The following HR variants were observed in gnomAD, a reference collection of about 807,000 sequenced individuals.
HR encodes HR lysine demethylase and nuclear receptor corepressor.
Under a neutral mutation model 128.6 loss-of-function variants are expected in HR, and 83 were observed. The observed-to-expected ratio is 0.65, with a 90% CI of 0.54 to 0.77. The LOEUF (loss-of-function observed/expected upper bound fraction) is 0.77, where lower values mean the gene tolerates loss of function less well. Among genes scored for constraint, HR ranks in the 30% least tolerant of loss-of-function variants. The pLI is 0.00. For missense variants in HR, 1,490 were observed against 1,574.6 expected, an observed-to-expected ratio of 0.95 and a Z score of 0.91; for synonymous variants, 681 against 658.2, an observed-to-expected ratio of 1.03 and a Z score of -0.53.
chr8:22,125,796 A>T (rs1586382740), intron 3 of HR, 64 bp from the exon 4 acceptor site: 22 of 1,569,434 alleles, frequency 1.4e-5, no homozygotes, highest in Admixed American at 1.8e-5. Context: ...CCCATTCCTC[A>T]CCTTAGCGCC....
At chr8:22,126,750 C>A (rs1826901540) in intron 3 of HR, among the ~76,000 whole-genome samples, 1 of 152,252 alleles carries the variant, frequency 6.6e-6, no homozygotes, top group Admixed American at 6.5e-5. Flanking sequence ...TACCAATCAG[C>A]AAAGTCAGGG....
At chr8:22,124,962 C>A (rs901721995) in intron 5 of HR, among the ~76,000 whole-genome samples, 1 of 152,146 alleles carries the variant, frequency 6.6e-6, no homozygotes, top group Non-Finnish European at 1.5e-5. Context: ...CTCTGTGCTG[C>A]GGAAGGGCGA....
rs1563186979 is a variant in HR, at chr8:22,127,772, C to T, written c.670G>A (p.Ala224Thr). The T allele has an allele frequency of 6.2e-7, 1 of 1,600,392 alleles. No individual in the cohort carries two copies. The highest frequency in any genetic ancestry group is 1.7e-5 in the Admixed American group (1 of 60,028). ...PRLAKEPLAA[A>T]EPGLFGLNSG... is the part of the protein sequence containing the mutation. ...TTTAAGCCAAACAACCCAGGTTCCG[C>T]AGCTGCCAAGGGCTCCTTTGCCAAC... Residue 224 changes from alanine to threonine, a missense_variant, in exon 3 of 19, where the codon GCG (alanine) becomes ACG (threonine). This residue lies in a region of HR where 1,060 missense variants were observed against 1,060.9 expected (regional missense o/e 1.00). Coordinates refer to ENST00000381418, the MANE Select transcript of HR (RefSeq NM_005144.5).
chr8:22,122,614 G>T lies in HR; in HGVS notation c.2006-6C>A. 1 of 1,602,096 alleles carries T rather than the reference G, an allele frequency of 6.2e-7. No homozygotes were observed. ...AGTGCTCAGCTCTGCCAAAGCTGGG[G>T]GTGGGGGTGGGCAGGAGAGGGAGGT... On this transcript the variant is annotated splice_region_variant and splice_polypyrimidine_tract_variant and intron_variant, in intron 7 of 18. Transcript: ENST00000381418.
chr8:22,129,617 T>G lies in HR; in HGVS notation c.-40-407A>C, dbSNP rs538837103. The stretch of plus-strand genomic sequence containing the variant: ...CCTTGGGCAAATCATGTCACTCCTC[T>G]GGGCCTCAGTGTGCCCTTGAGGCTT... On this transcript the variant is annotated intron_variant, in intron 1 of 18. Coordinates refer to ENST00000381418, the MANE Select transcript of HR (RefSeq NM_005144.5). 1.2e-4 allele frequency among the ~76,000 whole-genome samples: 18 copies of G among 152,386 alleles called. No homozygotes were observed. The South Asian group carries it at 3.7e-3, about 32-fold the overall frequency.
rs1016741015 is a variant in HR at position 22,116,503 on chromosome 8, G to A, written c.3379-75C>T. 2.3e-5 allele frequency: 36 copies of A among 1,558,636 alleles called. No individual in the cohort carries two copies. Among genetic ancestry groups the A allele is most frequent in the Non-Finnish European group, 2.6e-5 (30 of 1,150,628 alleles). On this transcript the variant is annotated intron_variant, in intron 17 of 18. Transcript: ENST00000381418. The surrounding 1 kb of genome is among the most constrained non-coding windows in gnomAD (Gnocchi z 4.2). The stretch of plus-strand genomic sequence containing the variant: ...CCTGTCCCCCTGGTCCCTGAGGTTC[G>A]CTTCCTCTAATGACAACCACCCCCG...
In HR at chr8:22,121,170, A is replaced by C. The variant is rs1563177376; in HGVS notation, c.2262T>G (p.Pro754=). 6.2e-7 allele frequency: 1 copy of C among 1,613,950 alleles called. No individual in the cohort carries two copies. The highest frequency in any genetic ancestry group is 2.2e-5 in the East Asian group (1 of 44,882). ...AEDRAGRGPL[P]CPSLCELLAS... ...CCAGCAGTTCGCAGAGAGAAGGACA[A>C]GGCAGGGGCCCTCGGCCAGCACGGT... Residue 754 remains proline, a synonymous_variant, in exon 10 of 19, where the codon CCT becomes CCG. Coordinates refer to ENST00000381418, the MANE Select transcript of HR (RefSeq NM_005144.5).
At chr8:22,126,491 C>G (rs7832537) in intron 3 of HR, among the ~76,000 whole-genome samples, 97,762 of 152,150 alleles carry the variant, frequency 0.64, 31,883 homozygotes, top group African/African-American at 0.74. Flanking sequence ...CCATTCCTGG[C>G]GCAGGACAAG....
rs1275120298 is a variant in HR at position 22,120,120 on chromosome 8, C to T, written c.2830G>A (p.Asp944Asn). 6.3e-7 allele frequency: 1 copy of T among 1,590,200 alleles called. No homozygotes were observed. The highest frequency in any genetic ancestry group is 1.8e-5 in the Admixed American group (1 of 55,006). Residue 944 changes from aspartate to asparagine, a missense_variant, in exon 13 of 19, where the codon GAT (aspartate) becomes AAT (asparagine). Around this residue, in one of 3 missense-constraint regions of HR, gnomAD observed 423 missense variants for 495.9 expected, o/e 0.85. Coordinates refer to ENST00000381418, the MANE Select transcript of HR (RefSeq NM_005144.5). ...SVLLLHRALGDEDTSRVENLA... is the reference protein window; with the variant it reads ...SVLLLHRALGNEDTSRVENLA... ...CATACACACCTGCTGGTGTCCTCAT[C>T]CCCCAAAGCTCGGTGCAGCAGGAGG...
chr8:22,115,825 C>T, intron 18 of HR, 63 bp from the exon 19 acceptor site: 7 of 1,510,160 alleles, frequency 4.6e-6, no homozygotes, highest in Non-Finnish European at 6.4e-6. Flanking sequence ...CGCTGTCCCC[C>T]ACCCTACTTA....
In HR at chr8:22,121,143, A is replaced by G; in HGVS notation, c.2289T>C (p.Ala763=). Residue 763 remains alanine (A), a synonymous_variant, in exon 10 of 19, where the codon GCT becomes GCC. Transcript: ENST00000381418. ...CCAAGCAGAGTTTGACCGCGGTAGA[A>G]GCCAGCAGTTCGCAGAGAGAAGGAC... ...LPCPSLCELL[A]STAVKLCLGH... The G allele has an allele frequency of 6.2e-7, 1 of 1,613,960 alleles. No individual in the cohort carries two copies. The highest frequency in any genetic ancestry group is 8.5e-7 in the Non-Finnish European group (1 of 1,180,032).
rs545969918 is a variant in HR at position 22,122,330 on chromosome 8, C to T, written c.2121+163G>A. 2.6e-4 allele frequency among the ~76,000 whole-genome samples: 39 copies of T among 152,156 alleles called. No individual in the cohort carries two copies. The South Asian group carries it at 6.0e-3, about 24-fold the overall frequency. On this transcript the variant is annotated intron_variant, in intron 8 of 18. Transcript: ENST00000381418. Reference sequence around the variant, plus strand: ...AGGGCATGGAGGTGGGAGGGGCCAGCGCTGGAGATCATGCATGGCTCCTGA... The same window carrying T: ...AGGGCATGGAGGTGGGAGGGGCCAGTGCTGGAGATCATGCATGGCTCCTGA...
chr8:22,127,784 G>T lies in HR; in HGVS notation c.658C>A (p.Pro220Thr), dbSNP rs1426862633. 1.3e-6 allele frequency: 2 copies of T among 1,599,360 alleles called. No individual in the cohort carries two copies. The highest frequency in any genetic ancestry group is 3.3e-5 in the Admixed American group (2 of 60,006). ...AACCCAGGTTCCGCAGCTGCCAAGG[G>T]CTCCTTTGCCAACCTGGGAATGCTC... is the stretch of plus-strand genomic sequence containing the variant. The part of the protein sequence containing the change: ...DPSIPRLAKE[P>T]LAAAEPGLFG... The change falls in exon 3 of 19, where the codon CCC becomes ACC. Residue 220 changes from proline to threonine, a missense_variant. Transcript: ENST00000381418.
intron 5 of HR, among the ~76,000 whole-genome samples, chr8:22,124,107 C>T (rs1317289178): frequency 9.9e-5 from 15 of 152,232 alleles, no homozygotes; most frequent in Admixed American, 9.8e-4. Flanking sequence ...GGGACTTCCC[C>T]ACTGGCCCTG....
At chr8:22,122,461 A>C in intron 8 of HR, 32 bp downstream of exon 8, 1 of 1,518,212 alleles carries the variant, frequency 6.6e-7, no homozygotes, top group Admixed American at 1.8e-5. Flanking sequence ...TGCAGGCACG[A>C]TACCCAACCG....
Position 22,127,595 on chromosome 8 carries a change from G to A in HR, c.847C>T (p.Pro283Ser), listed in dbSNP as rs138592607. The change falls in exon 3 of 19, where the codon CCC becomes TCC. Residue 283 changes from proline (P) to serine (S), a missense_variant. By Grantham distance (74) the Pro-to-Ser change is moderately conservative. Coordinates refer to ENST00000381418, the MANE Select transcript of HR (RefSeq NM_005144.5). ...CCAAGAGTATGAACAAGGCCTGGGG[G>A]ACAAGCGGGCCAGGAGGTCCAGGGC... ...TVPWTSWPAC[P>S]PGLVHTLGNV... 52 of 1,612,004 alleles carry A rather than the reference G, an allele frequency of 3.2e-5. 1 individual carries two copies. In the East Asian group the frequency reaches 7.6e-4, roughly 23 times the overall value.
intron 8 of HR, among the ~76,000 whole-genome samples, chr8:22,122,090 A>G: frequency 6.6e-6 from 1 of 152,190 alleles, no homozygotes; most frequent in African/African-American, 2.4e-5. Context: ...AAGAACATGA[A>G]CTTCAAAAAA....
At position 22,119,154 on chromosome 8, in the gene HR, G is replaced by A. The variant is rs373519126; in HGVS notation, c.3097+10C>T. 5.0e-6 allele frequency: 8 copies of A among 1,613,642 alleles called. No homozygotes were observed. The highest frequency in any genetic ancestry group is 3.3e-5 in the South Asian group (3 of 91,084). On this transcript the variant is annotated intron_variant, in intron 15 of 18. Coordinates refer to ENST00000381418, the MANE Select transcript of HR (RefSeq NM_005144.5). ...CTTGTCCCCGCTCCTGCCTCTGGCC[G>A]AGGACCTACCTTTCTGTGCCCGGTG...
intron 6 of HR, 150 bp from the exon 7 acceptor site, chr8:22,123,029 A>C (rs1163844250): frequency 4.0e-6 from 3 of 740,894 alleles, no homozygotes; most frequent in African/African-American, 1.7e-5. Flanking sequence ...ACATAGAGAC[A>C]CAGCATTCTT....
Sources: gnomAD v4.1 joint callset for allele counts (sites outside exome capture counted in the v4.1 genomes callset) on GRCh38, gnomAD v4.1.1 for gene constraint, gnomAD v4.1.1 regional missense constraint, Gnocchi (gnomAD v3.1) non-coding constraint, MANE v1.5 for transcripts, NCBI Gene and HGNC (gene_info 2026-07-23, HGNC 2026-07-21) for gene names.